Variants in TRIM55 observed in about 807,000 individuals in gnomAD.
TRIM55 encodes the protein tripartite motif-containing protein 55.
A neutral mutation model predicts 60.9 loss-of-function variants in TRIM55; 50 were observed. That is an observed-to-expected ratio of 0.82 (90% CI 0.65 to 1.04). The LOEUF is 1.04. Ranked by LOEUF, TRIM55 falls within the 50% of genes least tolerant of loss-of-function variation. The probability of loss-of-function intolerance (pLI) is 0.00; values close to 1 mark genes in which losing one functional copy is unlikely to be tolerated. For missense variants in TRIM55, 681 were observed against 666.9 expected, an observed-to-expected ratio of 1.02 and a Z score of -0.23; for synonymous variants, 237 against 238.1, an observed-to-expected ratio of 1.00 and a Z score of 0.04.
intron 1 of TRIM55, among the ~76,000 whole-genome samples, chr8:66,127,911 G>T (rs953902607): frequency 6.6e-6 from 1 of 152,130 alleles, no homozygotes; most frequent in Non-Finnish European, 1.5e-5. Context: ...TTCTTTTAAT[G>T]ATTTGGTTTG....
intron 4 of TRIM55, among the ~76,000 whole-genome samples, chr8:66,146,628 A>T (rs1408369432): frequency 6.6e-6 from 1 of 152,254 alleles, no homozygotes; most frequent in Non-Finnish European, 1.5e-5. Context: ...GGAAACCATT[A>T]TATGATCACA....
At position 66,150,457 on chromosome 8, in the gene TRIM55, T is replaced by G. The variant is rs182072523; in HGVS notation, c.976T>G (p.Phe326Val). 1.1e-5 allele frequency: 17 copies of G among 1,613,990 alleles called. No homozygotes were observed. The highest frequency in any genetic ancestry group is 1.2e-5 in the Non-Finnish European group (14 of 1,180,006). The change falls in exon 7 of 10, where the codon TTT becomes GTT. Residue 326 changes from phenylalanine to valine, a missense_variant. Phe to Val is a conservative substitution (Grantham distance 50, BLOSUM62 -1). Transcript: ENST00000315962. ...AGAAAAGATAATACGTGAAATTGAC[T>G]TTTACAGAGGTTTGTTATTCTTTTG... Reference protein sequence around the residue: ...REEKIIREIDFYREDEDEEEE... With the variant: ...REEKIIREIDVYREDEDEEEE...
At chr8:66,170,996 G>A (rs929079156) in intron 9 of TRIM55, among the ~76,000 whole-genome samples, 5 of 152,144 alleles carry the variant, frequency 3.3e-5, no homozygotes, top group South Asian at 2.1e-4. Context: ...TCCACGTTAC[G>A]GACAGTGTTT....
Position 66,150,446 on chromosome 8 carries a change from G to A in TRIM55, c.965G>A (p.Arg322His), listed in dbSNP as rs145295575. Residue 322 changes from arginine (R) to histidine (H), a missense_variant, in exon 7 of 10, where the codon CGT becomes CAT. By Grantham distance (29) the Arg-to-His change is conservative (BLOSUM62 0). Transcript: ENST00000315962. ...VNLNREEKII[R>H]EIDFYREDED... ...CTCAATAGAGAAGAAAAGATAATACGTGAAATTGACTTTTACAGAGGTTTG... is the reference window on the plus strand; with the variant it reads ...CTCAATAGAGAAGAAAAGATAATACATGAAATTGACTTTTACAGAGGTTTG... 1.3e-4 allele frequency: 202 copies of A among 1,613,952 alleles called. No individual in the cohort carries two copies. The highest frequency in any genetic ancestry group is 3.9e-4 in the African/African-American group (29 of 74,906).
chr8:66,149,958 T>C, intron 5 of TRIM55, 80 bp downstream of exon 5: 2 of 1,187,714 alleles, frequency 1.7e-6, no homozygotes, highest in Non-Finnish European at 2.4e-6. Context: ...TATTATTTTA[T>C]GTACATTTCA....
chr8:66,137,264 C>T, intron 4 of TRIM55, 74 bp downstream of exon 4: 3 of 1,058,302 alleles, frequency 2.8e-6, no homozygotes, highest in South Asian at 2.7e-5. Context: ...CTTAGTGCCA[C>T]ACTAGACATC....
At position 66,150,404 on chromosome 8, in the gene TRIM55, A is replaced by G; in HGVS notation, c.923A>G (p.Asn308Ser). The G allele has an allele frequency of 6.2e-7, 1 of 1,614,200 alleles. No homozygotes were observed. The highest frequency in any genetic ancestry group is 8.5e-7 in the Non-Finnish European group (1 of 1,180,004). The change falls in exon 7 of 10, where the codon AAC becomes AGC. Residue 308 changes from asparagine (N) to serine (S), a missense_variant. Physicochemically the swap from Asn to Ser is conservative, Grantham distance 46 (BLOSUM62 1). Coordinates refer to ENST00000315962, the MANE Select transcript of TRIM55 (RefSeq NM_184085.2). ...ATAGAACATGGCTATGAGAACATGA[A>G]CCACTTCACAGTCAACCTCAATAGA... ...EKIEHGYENM[N>S]HFTVNLNREE...
chr8:66,170,821 C>T (rs1166366976), intron 9 of TRIM55, among the ~76,000 whole-genome samples: 1 of 152,200 alleles, frequency 6.6e-6, no homozygotes, highest in Non-Finnish European at 1.5e-5. Flanking sequence ...GAATTGAAAG[C>T]AGGGCCTCAC....
intron 2 of TRIM55, among the ~76,000 whole-genome samples, chr8:66,131,185 C>T (rs535086007): frequency 6.6e-5 from 10 of 152,204 alleles, no homozygotes; most frequent in Admixed American, 3.9e-4. Context: ...CACAATAATC[C>T]GGTGAGGTGT....
intron 9 of TRIM55, chr8:66,155,680 C>A: frequency 1.9e-6 from 3 of 1,612,852 alleles, no homozygotes; most frequent in Non-Finnish European, 2.5e-6. Context: ...CATCTGGAGT[C>A]AGATTCAGTG....
chr8:66,144,826 A>T (rs560583470), intron 4 of TRIM55, among the ~76,000 whole-genome samples: 110 of 152,352 alleles, frequency 7.2e-4, no homozygotes, highest in African/African-American at 2.4e-3. Flanking sequence ...GGTTGCTATC[A>T]TGCTTTTGTA....
intron 2 of TRIM55, among the ~76,000 whole-genome samples, chr8:66,133,140 G>A (rs193143786): frequency 6.6e-6 from 1 of 152,280 alleles, no homozygotes; most frequent in Non-Finnish European, 1.5e-5. Context: ...CAACCCCAGA[G>A]GGCACTGTCA....
chr8:66,139,833 G>A (rs1013252454), intron 4 of TRIM55, among the ~76,000 whole-genome samples: 6 of 151,920 alleles, frequency 3.9e-5, no homozygotes, highest in Non-Finnish European at 5.9e-5. Context: ...GCAAATATAC[G>A]TTCTTATTTA....
chr8:66,162,741 T>C (rs1407953002), intron 9 of TRIM55, among the ~76,000 whole-genome samples: 1 of 152,070 alleles, frequency 6.6e-6, no homozygotes, highest in Admixed American at 6.6e-5. Context: ...TAAACATTTT[T>C]AGTTTTGATG....
At chr8:66,163,703 C>G (rs1041612813) in intron 9 of TRIM55, among the ~76,000 whole-genome samples, 1 of 152,142 alleles carries the variant, frequency 6.6e-6, no homozygotes, top group African/African-American at 2.4e-5. Context: ...ATGTGATCAA[C>G]CTTGGTGAAT....
At chr8:66,120,271 A>G in the TRIM55 span, among the ~76,000 whole-genome samples, 2 of 152,198 alleles carry the variant, frequency 1.3e-5, no homozygotes, top group South Asian at 4.1e-4. Flanking sequence ...CTCTTACTAT[A>G]TAATAAAGAA....
intron 2 of TRIM55, among the ~76,000 whole-genome samples, chr8:66,133,184 C>T (rs1563364930): frequency 6.6e-6 from 1 of 152,218 alleles, no homozygotes. Flanking sequence ...GTGGTCTGGT[C>T]TCTTCCTCTG....
chr8:66,165,699 C>T (rs1328785357), intron 9 of TRIM55, among the ~76,000 whole-genome samples: 1 of 152,172 alleles, frequency 6.6e-6, no homozygotes, highest in Non-Finnish European at 1.5e-5. Flanking sequence ...GGAATTTCAA[C>T]TTGATAACAA....
chr8:66,167,590 A>T (rs1811395719), intron 9 of TRIM55, among the ~76,000 whole-genome samples: 1 of 152,120 alleles, frequency 6.6e-6, no homozygotes, highest in South Asian at 2.1e-4. Flanking sequence ...AAGTGAGTTT[A>T]ATTCCTGCTT....
Sources: gnomAD v4.1 joint callset for allele counts (sites outside exome capture counted in the v4.1 genomes callset) on GRCh38, gnomAD v4.1.1 for gene constraint, MANE v1.5 for transcripts, NCBI Gene and HGNC (gene_info 2026-07-23, HGNC 2026-07-21) for gene names.